The following LGSN variants were observed in gnomAD, a reference collection of about 807,000 sequenced individuals.
The protein encoded by LGSN is lengsin.
Under a neutral mutation model 19.5 loss-of-function variants are expected in LGSN, and 21 were observed. That is an observed-to-expected ratio of 1.07 (90% CI 0.76 to 1.55). The LOEUF is 1.55. Ranked by LOEUF, LGSN falls within the 40% of genes most tolerant of loss-of-function variation. The pLI, the probability that LGSN is intolerant of heterozygous loss-of-function variation, is 0.00. For missense variants in LGSN, 673 were observed against 608.5 expected, an observed-to-expected ratio of 1.11 and a Z score of -1.12; for synonymous variants, 257 against 215.6, an observed-to-expected ratio of 1.19 and a Z score of -1.68.
chr6:63,464,158 T>A, the LGSN span, among the ~76,000 whole-genome samples: 3 of 150,276 alleles, frequency 2.0e-5, no homozygotes, highest in African/African-American at 7.3e-5. Context: ...AAAAAAAAAA[T>A]AAGTTTAAAG....
the LGSN span, among the ~76,000 whole-genome samples, chr6:63,507,089 C>T: frequency 6.6e-6 from 1 of 152,202 alleles, no homozygotes; most frequent in East Asian, 1.9e-4. Context: ...ACATTTCTCT[C>T]TCCATACCAA....
chr6:63,530,769 C>T, the LGSN span, among the ~76,000 whole-genome samples: 2,619 of 152,112 alleles, frequency 0.017, 45 homozygotes, highest in South Asian at 0.068. Flanking sequence ...TTTCTTATTC[C>T]TAGTCTTCTG....
chr6:63,344,734 A>G, the LGSN span, among the ~76,000 whole-genome samples: 1 of 152,154 alleles, frequency 6.6e-6, no homozygotes, highest in Non-Finnish European at 1.5e-5. Flanking sequence ...ATAGAAAGAC[A>G]AGTAAATAGA....
chr6:63,294,082 C>A (rs925745491), intron 2 of LGSN, among the ~76,000 whole-genome samples: 101 of 152,234 alleles, frequency 6.6e-4, no homozygotes, highest in African/African-American at 1.6e-3. Context: ...AGCCTGTAAT[C>A]CCAGCACTTT....
the LGSN span, chr6:63,528,088 AG>A: frequency 6.6e-6 from 1 of 152,204 alleles, no homozygotes; most frequent in African/African-American, 2.4e-5. Flanking sequence ...CAGGCAGGTA[AG>A]TGTGACTTCC....
chr6:63,528,588 A>G, the LGSN span, among the ~76,000 whole-genome samples: 1 of 151,964 alleles, frequency 6.6e-6, no homozygotes, highest in Non-Finnish European at 1.5e-5. Flanking sequence ...CAAATTAGCC[A>G]GCCATGAAAA....
chr6:63,426,546 G>A, the LGSN span, among the ~76,000 whole-genome samples: 8 of 149,146 alleles, frequency 5.4e-5, no homozygotes, highest in Admixed American at 1.3e-4. Flanking sequence ...ACAGAGTCTC[G>A]CTCTGTTGCC....
the LGSN span, among the ~76,000 whole-genome samples, chr6:63,504,354 G>T: frequency 6.6e-6 from 1 of 151,758 alleles, no homozygotes; most frequent in South Asian, 2.1e-4. Context: ...CCATTCTCCT[G>T]CCTCAGCCTC....
At chr6:63,510,375 G>GA in the LGSN span, among the ~76,000 whole-genome samples, 2 of 148,062 alleles carry the variant, frequency 1.4e-5, no homozygotes, top group Non-Finnish European at 3.0e-5. Flanking sequence ...CAGGGAGAAG[G>GA]AAAAAAAACA....
the LGSN span, among the ~76,000 whole-genome samples, chr6:63,567,898 T>C: frequency 6.6e-6 from 1 of 152,262 alleles, no homozygotes; most frequent in African/African-American, 2.4e-5. Flanking sequence ...TTCATTTTTA[T>C]GTTAGGGAGA....
chr6:63,519,367 T>A, the LGSN span, among the ~76,000 whole-genome samples: 1 of 152,018 alleles, frequency 6.6e-6, no homozygotes, highest in Non-Finnish European at 1.5e-5. Flanking sequence ...GCTAAATGAG[T>A]TCAGGTCAAG....
At chr6:63,322,544 A>G (rs981483017), upstream of LGSN, among the ~76,000 whole-genome samples, 2 of 152,124 alleles carry the variant, frequency 1.3e-5, no homozygotes, top group African/African-American at 4.8e-5. Context: ...CTTTATATGC[A>G]TCTAATTATG....
chr6:63,465,986 C>T, the LGSN span, among the ~76,000 whole-genome samples: 1 of 152,164 alleles, frequency 6.6e-6, no homozygotes, highest in Non-Finnish European at 1.5e-5. Flanking sequence ...GTTTGTTTGT[C>T]TGTGACAATG....
the LGSN span, among the ~76,000 whole-genome samples, chr6:63,507,846 T>C: frequency 6.9e-3 from 1,050 of 152,292 alleles, 7 homozygotes; most frequent in African/African-American, 0.024. Context: ...CAAACTGAAT[T>C]ATGCATTTTT....
the LGSN span, among the ~76,000 whole-genome samples, chr6:63,412,690 A>AGGGAAGGAAGGAAGGAAGGAAGGACG: frequency 8.4e-6 from 1 of 118,858 alleles, no homozygotes; most frequent in African/African-American, 4.2e-5. Context: ...AGAAAGAAAG[A>AGGGAAGGAAGGAAGGAAGGAAGGACG]GAAAGAAAGA....
the LGSN span, among the ~76,000 whole-genome samples, chr6:63,513,089 A>G: frequency 6.6e-6 from 1 of 152,208 alleles, no homozygotes; most frequent in African/African-American, 2.4e-5. Context: ...AATATAACCA[A>G]GAGTCCAGGT....
chr6:63,507,947 A>G, the LGSN span, among the ~76,000 whole-genome samples: 2 of 152,212 alleles, frequency 1.3e-5, no homozygotes, highest in Non-Finnish European at 2.9e-5. Context: ...AGAGACAAAA[A>G]AAAGCAACTT....
the LGSN span, among the ~76,000 whole-genome samples, chr6:63,437,068 AAGGGG>A: frequency 7.4e-6 from 1 of 134,662 alleles, no homozygotes; most frequent in Non-Finnish European, 1.6e-5. Flanking sequence ...AGGGGAAGGG[AAGGGG>A]AGGGGAGGGG....
chr6:63,306,346 C>A (rs1768385371), intron 1 of LGSN, among the ~76,000 whole-genome samples: 1 of 152,182 alleles, frequency 6.6e-6, no homozygotes, highest in Non-Finnish European at 1.5e-5. Context: ...AAATGGAATT[C>A]TGTTTTTATT....
Sources: gnomAD v4.1 joint callset for allele counts (sites outside exome capture counted in the v4.1 genomes callset) on GRCh38, gnomAD v4.1.1 for gene constraint, MANE v1.5 for transcripts, NCBI Gene and HGNC (gene_info 2026-07-23, HGNC 2026-07-21) for gene names.